The following KCNIP1 variants were observed in gnomAD, a reference collection of about 807,000 sequenced individuals.
The protein encoded by KCNIP1 is potassium voltage-gated channel interacting protein 1.
A neutral mutation model predicts 33.0 loss-of-function variants in KCNIP1; 18 were observed. The ratio of observed to expected loss-of-function variants is 0.55; its 90% CI spans 0.38 to 0.81. The LOEUF (loss-of-function observed/expected upper bound fraction) is 0.81. Among genes scored for constraint, KCNIP1 ranks in the 30% least tolerant of loss-of-function variants. The pLI, the probability that KCNIP1 is intolerant of heterozygous loss-of-function variation, is 0.00. For missense variants in KCNIP1, 238 were observed against 271.6 expected (o/e 0.88, Z 0.87); for synonymous variants, 93 against 98.3 (o/e 0.95, Z 0.32).
upstream of KCNIP1, among the ~76,000 whole-genome samples, chr5:170,500,845 G>C (rs887217824): frequency 1.3e-5 from 2 of 152,336 alleles, no homozygotes. Flanking sequence ...ATACATGAAT[G>C]AATGAATATT....
chr5:170,600,529 C>G (rs1158845387), intron 1 of KCNIP1, among the ~76,000 whole-genome samples: 1 of 152,166 alleles, frequency 6.6e-6, no homozygotes, highest in Non-Finnish European at 1.5e-5. Flanking sequence ...ACCCCATCCT[C>G]TGTGTGCCCA....
chr5:170,407,251 T>G (rs1039728505), intron 1 of KCNIP1, among the ~76,000 whole-genome samples: 4 of 152,192 alleles, frequency 2.6e-5, no homozygotes, highest in Non-Finnish European at 4.4e-5. Flanking sequence ...CAGGGCTGGG[T>G]CTGTGCCCCA....
chr5:170,720,937 A>G (rs1317563440), intron 3 of KCNIP1, among the ~76,000 whole-genome samples: 2 of 152,232 alleles, frequency 1.3e-5, no homozygotes, highest in East Asian at 3.9e-4. Context: ...AAGCCAGTTT[A>G]CAAGTGTGCC....
intron 1 of KCNIP1, among the ~76,000 whole-genome samples, chr5:170,565,510 C>T (rs937085411): frequency 2.0e-5 from 3 of 152,152 alleles, no homozygotes; most frequent in African/African-American, 7.2e-5. Context: ...CTCTGTTCTT[C>T]TCTAAACACT....
At chr5:170,380,888 T>G (rs2113333381) in intron 1 of KCNIP1, among the ~76,000 whole-genome samples, 1 of 152,278 alleles carries the variant, frequency 6.6e-6, no homozygotes, top group Non-Finnish European at 1.5e-5. Context: ...TGAGGCTACC[T>G]GCCTAGGAGA....
intron 1 of KCNIP1, among the ~76,000 whole-genome samples, chr5:170,674,503 G>A (rs750365695): frequency 6.6e-5 from 10 of 152,266 alleles, no homozygotes; most frequent in African/African-American, 1.2e-4. Context: ...GGGAGGCATC[G>A]ACTCCCGTTC....
intron 1 of KCNIP1, among the ~76,000 whole-genome samples, chr5:170,537,996 A>AAC (rs769126885): frequency 2.8e-4 from 42 of 152,228 alleles, no homozygotes; most frequent in Admixed American, 4.6e-4. Context: ...AGGAGTAATG[A>AAC]ACACTGATGA....
intron 1 of KCNIP1, among the ~76,000 whole-genome samples, chr5:170,645,184 T>C (rs1760736271): frequency 6.6e-6 from 1 of 152,184 alleles, no homozygotes; most frequent in Admixed American, 6.5e-5. Flanking sequence ...AATCTTATGA[T>C]TACCAGGATT....
Position 170,453,148 on chromosome 5 carries a change from T to C in KCNIP1, c.88+99184T>C, listed in dbSNP as rs144455323. On this transcript the variant is annotated intron_variant, in intron 1 of 7. Coordinates refer to the KCNIP1 transcript ENST00000377360. ...ATCACATTCCTCTTCACCCTCCAAA[T>C]TGACGACTTGAAAGAACATTAGAAA... Among the ~76,000 whole-genome samples, 328 of 152,328 alleles carry C rather than the reference T, an allele frequency of 2.2e-3. 2 individuals carry two copies. Among genetic ancestry groups the C allele is most frequent in the African/African-American group, 7.4e-3 (308 of 41,568 alleles).
intron 1 of KCNIP1, among the ~76,000 whole-genome samples, chr5:170,362,760 C>T (rs1763547373): frequency 6.6e-6 from 1 of 152,136 alleles, no homozygotes; most frequent in East Asian, 1.9e-4. Flanking sequence ...TGGGGTTAGC[C>T]TAATTTTCTT....
chr5:170,623,849 G>A (rs950488187), intron 1 of KCNIP1, among the ~76,000 whole-genome samples: 3 of 152,134 alleles, frequency 2.0e-5, no homozygotes, highest in African/African-American at 4.8e-5. Flanking sequence ...TACATTGGGG[G>A]CCCTGAGCCT....
At chr5:170,733,926 C>T in intron 7 of KCNIP1, 28 bp downstream of exon 7, 1 of 1,596,536 alleles carries the variant, frequency 6.3e-7, no homozygotes. Context: ...GGCACAATAA[C>T]TCTACATCTG....
intron 1 of KCNIP1, among the ~76,000 whole-genome samples, chr5:170,614,243 C>T (rs138248885): frequency 1.3e-5 from 2 of 152,180 alleles, no homozygotes; most frequent in Non-Finnish European, 2.9e-5. Context: ...GCTACTGGTC[C>T]GGGTTGGGAG....
rs144153073 is a variant in KCNIP1, at chr5:170,378,823, C to G, written c.88+24859C>G. On this transcript the variant is annotated intron_variant, in intron 1 of 7. Coordinates refer to the KCNIP1 transcript ENST00000377360. ...AGGGAGAAGAGGAGGGCCTGGGGCC[C>G]GTAGAGGCGCTGGAATAGGACGCTG... 1.7e-4 allele frequency: 269 copies of G among 1,614,066 alleles called. No homozygotes were observed. Among genetic ancestry groups the G allele is most frequent in the Non-Finnish European group, 2.2e-4 (262 of 1,180,038 alleles).
chr5:170,415,824 G>A (rs1195477986), intron 1 of KCNIP1, among the ~76,000 whole-genome samples: 3 of 152,258 alleles, frequency 2.0e-5, no homozygotes, highest in South Asian at 4.2e-4. Flanking sequence ...AGGTGAGGAC[G>A]AGGTGACTGG....
chr5:170,732,714 G>A (rs1364570634), intron 5 of KCNIP1, 86 bp from the exon 6 acceptor site: 2 of 816,066 alleles, frequency 2.5e-6, no homozygotes, highest in Non-Finnish European at 4.2e-6. Flanking sequence ...CATTGCCAAG[G>A]GGCACAAGGA....
At chr5:170,381,051 C>T (rs1456527841) in intron 1 of KCNIP1, among the ~76,000 whole-genome samples, 5 of 152,162 alleles carry the variant, frequency 3.3e-5, no homozygotes, top group African/African-American at 1.2e-4. Flanking sequence ...CCTTCTTTAC[C>T]TTCTTAAAAA....
intron 1 of KCNIP1, among the ~76,000 whole-genome samples, chr5:170,596,032 C>T (rs929092670): frequency 4.6e-5 from 7 of 152,160 alleles, no homozygotes; most frequent in Admixed American, 2.0e-4. Context: ...CCAGGTTACT[C>T]GAGGCTCCCT....
intron 1 of KCNIP1, among the ~76,000 whole-genome samples, chr5:170,687,711 G>A (rs1235774480): frequency 1.3e-5 from 2 of 152,152 alleles, no homozygotes; most frequent in African/African-American, 2.4e-5. Flanking sequence ...GCCTCAGAAG[G>A]CAAGGTTTGA....
Sources: allele counts gnomAD v4.1 joint callset (sites outside exome capture counted in the v4.1 genomes callset), GRCh38; gene constraint gnomAD v4.1.1; transcripts MANE v1.5; gene names NCBI Gene and HGNC (gene_info 2026-07-23, HGNC 2026-07-21).